Variants in SYN3 observed in about 807,000 individuals in gnomAD.
SYN3 encodes the protein synapsin-3.
In SYN3, 35 loss-of-function variants were observed where a neutral mutation model predicts 65.8. The observed-to-expected ratio is 0.53, with a 90% confidence interval of 0.41 to 0.70. The LOEUF (loss-of-function observed/expected upper bound fraction) is 0.70. Ranked by LOEUF, SYN3 falls within the 30% of genes least tolerant of loss-of-function variation. The pLI is 0.00. For synonymous variants in SYN3, 270 were observed against 292.9 expected, an observed-to-expected ratio of 0.92 and a Z score of 0.80; for missense variants, 680 against 749.0, an observed-to-expected ratio of 0.91 and a Z score of 1.08.
At chr22:33,051,829 A>G (rs1601967972) in intron 1 of SYN3, among the ~76,000 whole-genome samples, 1 of 152,152 alleles carries the variant, frequency 6.6e-6, no homozygotes, top group East Asian at 1.9e-4. Context: ...CTCAGACAAT[A>G]TAAGGAGGAA....
intron 6 of SYN3, among the ~76,000 whole-genome samples, chr22:32,827,079 C>T (rs957347688): frequency 6.6e-6 from 1 of 152,202 alleles, no homozygotes; most frequent in African/African-American, 2.4e-5. Flanking sequence ...CTCGCAGGGG[C>T]CCACTCTGAA....
At chr22:33,031,464 G>A (rs1191555820) in intron 1 of SYN3, among the ~76,000 whole-genome samples, 1 of 151,576 alleles carries the variant, frequency 6.6e-6, no homozygotes, top group Non-Finnish European at 1.5e-5. Flanking sequence ...ATCACTGGGA[G>A]CCAAGCCACC....
At chr22:33,009,126 T>A (rs996334848) in intron 1 of SYN3, among the ~76,000 whole-genome samples, 1 of 152,104 alleles carries the variant, frequency 6.6e-6, no homozygotes, top group Non-Finnish European at 1.5e-5. Context: ...GAGAAGTAGA[T>A]CTTTTCTTTG....
intron 7 of SYN3, among the ~76,000 whole-genome samples, chr22:32,572,603 C>A (rs2058794162): frequency 6.7e-6 from 1 of 148,848 alleles, no homozygotes; most frequent in Non-Finnish European, 1.5e-5. Context: ...TTCCTTCTGA[C>A]ACAGCATCTC....
At chr22:32,571,169 C>T (rs1009560680) in intron 7 of SYN3, among the ~76,000 whole-genome samples, 1 of 152,122 alleles carries the variant, frequency 6.6e-6, no homozygotes, top group Non-Finnish European at 1.5e-5. Flanking sequence ...TCAGGCTCTC[C>T]TAGAGTTTTA....
chr22:32,780,348 C>T (rs1184862340), intron 6 of SYN3, among the ~76,000 whole-genome samples: 13 of 152,064 alleles, frequency 8.5e-5, no homozygotes, highest in African/African-American at 1.4e-4. Flanking sequence ...TACAGGTGAT[C>T]GGACAACTGC....
intron 3 of SYN3, among the ~76,000 whole-genome samples, chr22:32,975,373 CAAAAA>C (rs34119880): frequency 9.6e-6 from 1 of 104,262 alleles, no homozygotes; most frequent in Admixed American, 1.0e-4. Flanking sequence ...GACTCCGCCT[CAAAAA>C]AAAAAAAAAA....
intron 4 of SYN3, among the ~76,000 whole-genome samples, chr22:32,916,707 G>A (rs1475403971): frequency 6.6e-6 from 1 of 152,172 alleles, no homozygotes; most frequent in Non-Finnish European, 1.5e-5. Context: ...TCTCACCCAG[G>A]AATCTGACTT....
intron 10 of SYN3, among the ~76,000 whole-genome samples, chr22:32,529,710 A>C (rs1173775494): frequency 6.6e-6 from 1 of 152,158 alleles, no homozygotes. Context: ...GGGCATGGGA[A>C]GCTATGGGAG....
At chr22:32,586,167 C>T (rs1219652328) in intron 7 of SYN3, among the ~76,000 whole-genome samples, 1 of 151,048 alleles carries the variant, frequency 6.6e-6, no homozygotes, top group East Asian at 1.9e-4. Flanking sequence ...CAAACACATG[C>T]ACACACATGC....
intron 6 of SYN3, among the ~76,000 whole-genome samples, chr22:32,820,272 G>A (rs530482837): frequency 6.1e-5 from 9 of 146,702 alleles, no homozygotes; most frequent in Non-Finnish European, 1.3e-4. Flanking sequence ...GCGTGCGCGT[G>A]TGTGTGTGTG....
chr22:33,017,286 T>C (rs1232491215), intron 1 of SYN3, among the ~76,000 whole-genome samples: 1 of 152,214 alleles, frequency 6.6e-6, no homozygotes, highest in Non-Finnish European at 1.5e-5. Context: ...AGTACCATGT[T>C]TTGATTACTA....
chr22:32,667,948 C>T (rs1014844071), intron 6 of SYN3, among the ~76,000 whole-genome samples: 14 of 152,142 alleles, frequency 9.2e-5, no homozygotes, highest in South Asian at 2.1e-4. Context: ...TGCCTACCAC[C>T]GTGCCCAGCT....
intron 1 of SYN3, among the ~76,000 whole-genome samples, chr22:33,043,425 G>C (rs766940937): frequency 1.1e-4 from 16 of 152,294 alleles, no homozygotes; most frequent in Non-Finnish European, 1.8e-4. Flanking sequence ...ACGGGCACCT[G>C]TAATCCCAGC....
In SYN3 at chr22:32,512,766, T is replaced by G. The variant is rs887024697; in HGVS notation, c.*926A>C. ...GAAGTGACTATCATTGCACTTCGGA[T>G]CCTATGTCATTGATCTGTTGATTCT... On this transcript the variant is annotated 3_prime_UTR_variant, in exon 14 of 14. Transcript: ENST00000358763. 1 of 152,228 alleles carries G rather than the reference T, an allele frequency of 6.6e-6. No homozygotes were observed. The highest frequency in any genetic ancestry group is 6.5e-5 in the Admixed American group (1 of 15,282). 9.4% of individuals were successfully genotyped at this position (152,228 alleles called of 1,614,324 possible). A position where few individuals can be genotyped will look rare whatever the true frequency, so the allele number is the denominator to read the frequency against.
intron 6 of SYN3, among the ~76,000 whole-genome samples, chr22:32,693,020 G>A (rs1315959346): frequency 6.6e-6 from 1 of 151,948 alleles, no homozygotes; most frequent in African/African-American, 2.4e-5. Context: ...TTATCTGAGG[G>A]GGATACATTT....
At chr22:32,677,116 C>T (rs2060456836) in intron 6 of SYN3, among the ~76,000 whole-genome samples, 1 of 152,174 alleles carries the variant, frequency 6.6e-6, no homozygotes, top group South Asian at 2.1e-4. Context: ...TCAGGGGCTT[C>T]AGAGATGGAT....
intron 7 of SYN3, among the ~76,000 whole-genome samples, chr22:32,585,915 CATATAT>C (rs2059018364): frequency 1.7e-5 from 1 of 59,690 alleles, no homozygotes; most frequent in East Asian, 1.5e-3. Context: ...TGTATGTATA[CATATAT>C]GTGTATATAC....
intron 6 of SYN3, among the ~76,000 whole-genome samples, chr22:32,724,674 G>A (rs1344133353): frequency 6.6e-6 from 1 of 152,136 alleles, no homozygotes; most frequent in Non-Finnish European, 1.5e-5. Context: ...CAGCCACATT[G>A]TCACAAAGAG....
Sources: gnomAD v4.1 joint callset for allele counts (sites outside exome capture counted in the v4.1 genomes callset) on GRCh38, gnomAD v4.1.1 for gene constraint, MANE v1.5 for transcripts, NCBI Gene and HGNC (gene_info 2026-07-23, HGNC 2026-07-21) for gene names.